SPAG16: variants seen among roughly 807,000 people sequenced by gnomAD.
The protein encoded by SPAG16 is sperm-associated antigen 16 protein.
SPAG16 carries 86 observed loss-of-function variants against 80.4 expected under a neutral mutation model. The ratio of observed to expected loss-of-function variants is 1.07; its 90% CI spans 0.90 to 1.28. The LOEUF is 1.28. Among genes scored for constraint, SPAG16 ranks in the 50% most tolerant of loss-of-function variants. SPAG16 has a pLI of 0.00. For synonymous variants in SPAG16, 294 were observed against 265.9 expected (o/e 1.11, Z -1.03); for missense variants, 870 against 765.3 (o/e 1.14, Z -1.61).
chr2:214,135,723 G>GTC (rs372301135), intron 14 of SPAG16, among the ~76,000 whole-genome samples: 22,497 of 145,618 alleles, frequency 0.15, 1,678 homozygotes, highest in Non-Finnish European at 0.17. Flanking sequence ...CTGTCTCTCT[G>GTC]TCTCTCTCTC....
intron 15 of SPAG16, among the ~76,000 whole-genome samples, chr2:214,244,046 C>A (rs910755807): frequency 2.2e-4 from 33 of 151,918 alleles, no homozygotes; most frequent in African/African-American, 7.5e-4. Flanking sequence ...TAATTTTAAT[C>A]GTAATGCATT....
intron 4 of SPAG16, among the ~76,000 whole-genome samples, chr2:213,314,192 G>A (rs1174104461): frequency 1.3e-5 from 2 of 151,782 alleles, no homozygotes; most frequent in Non-Finnish European, 2.9e-5. Flanking sequence ...ATAATTCTAA[G>A]TAGTTGATGG....
At chr2:214,014,327 A>C (rs1198141971) in intron 13 of SPAG16, among the ~76,000 whole-genome samples, 2 of 152,204 alleles carry the variant, frequency 1.3e-5, no homozygotes, top group Admixed American at 1.3e-4. Flanking sequence ...TTGCGATAGA[A>C]GCTCTGCTGG....
chr2:213,564,738 G>C (rs965668334), intron 10 of SPAG16, among the ~76,000 whole-genome samples: 1 of 152,032 alleles, frequency 6.6e-6, no homozygotes, highest in Non-Finnish European at 1.5e-5. Flanking sequence ...AGTACTTAAC[G>C]TTCATTAACT....
chr2:213,943,511 C>G (rs879747140), intron 12 of SPAG16, among the ~76,000 whole-genome samples: 2 of 152,128 alleles, frequency 1.3e-5, no homozygotes, highest in Non-Finnish European at 2.9e-5. Context: ...AGAAAAGGCA[C>G]TCCTTGTTAT....
intron 10 of SPAG16, among the ~76,000 whole-genome samples, chr2:213,518,155 T>C (rs572872614): frequency 6.6e-6 from 1 of 152,162 alleles, no homozygotes; most frequent in Non-Finnish European, 1.5e-5. Context: ...TAGACACTTT[T>C]CAAAACAACA....
chr2:214,249,066 C>T (rs1473310022), intron 15 of SPAG16, among the ~76,000 whole-genome samples: 3 of 152,056 alleles, frequency 2.0e-5, no homozygotes, highest in Non-Finnish European at 4.4e-5. Context: ...ACCATGAGCC[C>T]ACAGATTGAT....
intron 14 of SPAG16, among the ~76,000 whole-genome samples, chr2:214,117,918 A>C (rs2054020857): frequency 6.6e-6 from 1 of 152,188 alleles, no homozygotes; most frequent in Non-Finnish European, 1.5e-5. Context: ...AAAAGCTGAA[A>C]GTTTTTCCTC....
At chr2:213,388,892 C>T (rs747172999) in intron 9 of SPAG16, among the ~76,000 whole-genome samples, 1 of 151,560 alleles carries the variant, frequency 6.6e-6, no homozygotes, top group African/African-American at 2.4e-5. Context: ...TCCCAAAGAC[C>T]TTTTTTTTGC....
chr2:214,293,164 G>A (rs1693917608), intron 15 of SPAG16, among the ~76,000 whole-genome samples: 1 of 152,202 alleles, frequency 6.6e-6, no homozygotes, highest in African/African-American at 2.4e-5. Context: ...TGCCAGTAGT[G>A]GCAGCAGTAG....
At chr2:214,016,340 C>T (rs1165837509) in intron 13 of SPAG16, among the ~76,000 whole-genome samples, 2 of 152,112 alleles carry the variant, frequency 1.3e-5, no homozygotes, top group Admixed American at 6.5e-5. Context: ...GGGAACTCAC[C>T]TTTATAAAAC....
chr2:213,844,896 G>A (rs1353969724), intron 10 of SPAG16, among the ~76,000 whole-genome samples: 1 of 152,042 alleles, frequency 6.6e-6, no homozygotes, highest in Admixed American at 6.5e-5. Flanking sequence ...TGCATACATA[G>A]CAATACAAAT....
intron 10 of SPAG16, among the ~76,000 whole-genome samples, chr2:213,723,780 T>C (rs1015059553): frequency 1.3e-5 from 2 of 152,170 alleles, no homozygotes; most frequent in Non-Finnish European, 2.9e-5. Context: ...GAGCTGTGCT[T>C]CAAAAATTCA....
chr2:214,072,421 A>G (rs2050831163), intron 13 of SPAG16, among the ~76,000 whole-genome samples: 1 of 152,124 alleles, frequency 6.6e-6, no homozygotes, highest in Non-Finnish European at 1.5e-5. Flanking sequence ...ATATAACATC[A>G]TACCACTCCT....
chr2:213,449,409 T>C (rs1206390433), intron 9 of SPAG16, among the ~76,000 whole-genome samples: 1 of 152,214 alleles, frequency 6.6e-6, no homozygotes, highest in Non-Finnish European at 1.5e-5. Context: ...CTTTGAAGCA[T>C]GTGATCTTTG....
intron 15 of SPAG16, among the ~76,000 whole-genome samples, chr2:214,197,716 A>G (rs1489495917): frequency 6.6e-6 from 1 of 151,896 alleles, no homozygotes; most frequent in Non-Finnish European, 1.5e-5. Flanking sequence ...TGTTATTTAC[A>G]TTTTGGTACT....
intron 10 of SPAG16, among the ~76,000 whole-genome samples, chr2:213,801,393 C>T (rs2071388537): frequency 6.6e-6 from 1 of 152,130 alleles, no homozygotes; most frequent in Admixed American, 6.5e-5. Context: ...TTGTTTTCAC[C>T]ACGTACTAAA....
intron 9 of SPAG16, among the ~76,000 whole-genome samples, chr2:213,460,904 A>G (rs900578500): frequency 6.6e-6 from 1 of 152,186 alleles, no homozygotes; most frequent in African/African-American, 2.4e-5. Context: ...AATTAGGGAA[A>G]TAACATTCCT....
intron 13 of SPAG16, among the ~76,000 whole-genome samples, chr2:214,068,846 G>C (rs2050650204): frequency 6.6e-6 from 1 of 151,964 alleles, no homozygotes; most frequent in Non-Finnish European, 1.5e-5. Context: ...GGGTATTCTT[G>C]CTTAGTCTCA....
Sources: allele counts gnomAD v4.1 joint callset (sites outside exome capture counted in the v4.1 genomes callset), GRCh38; gene constraint gnomAD v4.1.1; transcripts MANE v1.5; gene names NCBI Gene and HGNC (gene_info 2026-07-23, HGNC 2026-07-21).